CSRNP3: variants seen among roughly 807,000 people sequenced by gnomAD.
The protein encoded by CSRNP3 is cysteine/serine-rich nuclear protein 3.
CSRNP3 carries 12 observed loss-of-function variants against 48.0 expected under a neutral mutation model. That is an observed-to-expected ratio of 0.25 (90% CI 0.16 to 0.41). The LOEUF is 0.41. CSRNP3 is among the 10% of genes least tolerant of loss of function. The pLI is 1.00. For synonymous variants in CSRNP3, 263 were observed against 269.7 expected (o/e 0.98, Z 0.24); for missense variants, 580 against 724.4 (o/e 0.80, Z 2.29).
At chr2:165,580,923 C>T (rs1253885277) in intron 3 of CSRNP3, among the ~76,000 whole-genome samples, 2 of 151,210 alleles carry the variant, frequency 1.3e-5, no homozygotes, top group African/African-American at 4.9e-5. Flanking sequence ...AGGCTAAGTA[C>T]TATTCTTTAG....
intron 3 of CSRNP3, among the ~76,000 whole-genome samples, chr2:165,520,501 T>C (rs1684636496): frequency 6.6e-6 from 1 of 151,822 alleles, no homozygotes. Flanking sequence ...ATTAAATATC[T>C]GGCCATGCAA....
At chr2:165,573,312 A>G (rs1253554232) in intron 3 of CSRNP3, among the ~76,000 whole-genome samples, 1 of 152,182 alleles carries the variant, frequency 6.6e-6, no homozygotes, top group African/African-American at 2.4e-5. Context: ...TTGATGATGC[A>G]TATTTTCATT....
chr2:165,511,922 G>GT (rs1203625678), intron 2 of CSRNP3, among the ~76,000 whole-genome samples: 4 of 152,190 alleles, frequency 2.6e-5, no homozygotes, highest in Middle Eastern at 3.4e-3. Context: ...AATCAGGTGG[G>GT]TTTTTTTGTC....
chr2:165,659,883 C>T (rs530850572), intron 5 of CSRNP3, among the ~76,000 whole-genome samples: 57 of 152,258 alleles, frequency 3.7e-4, no homozygotes, highest in East Asian at 2.1e-3. Context: ...AATGTATGTA[C>T]GTGCCATGTT....
At chr2:165,651,235 T>C (rs980200747) in intron 4 of CSRNP3, among the ~76,000 whole-genome samples, 3 of 152,156 alleles carry the variant, frequency 2.0e-5, no homozygotes, top group Non-Finnish European at 4.4e-5. Context: ...AAAGCACAAA[T>C]CAGAAAGCAA....
At chr2:165,605,184 C>T (rs1381843231) in intron 4 of CSRNP3, among the ~76,000 whole-genome samples, 1 of 152,092 alleles carries the variant, frequency 6.6e-6, no homozygotes, top group African/African-American at 2.4e-5. Context: ...ATTACTGTGG[C>T]TTCCAGAATC....
intron 1 of CSRNP3, among the ~76,000 whole-genome samples, chr2:165,493,712 C>G (rs1220025743): frequency 6.6e-6 from 1 of 152,084 alleles, no homozygotes; most frequent in Non-Finnish European, 1.5e-5. Flanking sequence ...TGGCTCTCCA[C>G]AGGTCACACT....
At chr2:165,530,122 T>G (rs867798060) in intron 3 of CSRNP3, among the ~76,000 whole-genome samples, 3 of 152,298 alleles carry the variant, frequency 2.0e-5, no homozygotes, top group South Asian at 4.1e-4. Context: ...AGGGAGTAGT[T>G]ATTTTTAAAG....
At chr2:165,480,015 A>G (rs1684018948) in intron 1 of CSRNP3, among the ~76,000 whole-genome samples, 1 of 152,018 alleles carries the variant, frequency 6.6e-6, no homozygotes, top group Non-Finnish European at 1.5e-5. Flanking sequence ...TTCCAAGCTC[A>G]TTCTTGTTTT....
intron 3 of CSRNP3, among the ~76,000 whole-genome samples, chr2:165,552,002 C>A (rs1685101627): frequency 6.6e-6 from 1 of 152,172 alleles, no homozygotes; most frequent in Admixed American, 6.5e-5. Context: ...AATGATAAAT[C>A]ATCAAGACAG....
intron 2 of CSRNP3, among the ~76,000 whole-genome samples, chr2:165,510,938 C>A (rs1333333217): frequency 6.6e-6 from 1 of 151,946 alleles, no homozygotes; most frequent in Non-Finnish European, 1.5e-5. Flanking sequence ...ACTGAATCTG[C>A]TAAAGGATGT....
In CSRNP3 at chr2:165,671,084, A is replaced by T. The variant is rs140234456; in HGVS notation, c.409-5228A>T. On this transcript the variant is annotated intron_variant, in intron 5 of 6. Transcript: ENST00000651982. ...TTGTCTTGAGTACCATAGAAAACTC[A>T]TAATCTATCTGTGAGATATAAAGAA... Among the ~76,000 whole-genome samples the T allele has an allele frequency of 8.5e-3, 1,290 of 152,310 alleles. 7 individuals are homozygous for T. The highest frequency in any genetic ancestry group is 0.021 in the South Asian group (99 of 4,820).
chr2:165,527,199 C>CTTTTTTT (rs535826285), intron 3 of CSRNP3, among the ~76,000 whole-genome samples: 3 of 87,298 alleles, frequency 3.4e-5, no homozygotes, highest in African/African-American at 4.6e-5. Flanking sequence ...GCTGTTTGTA[C>CTTTTTTT]TTTTTTTTTT....
At chr2:165,491,717 G>A (rs1213245901) in intron 1 of CSRNP3, among the ~76,000 whole-genome samples, 36 of 118,784 alleles carry the variant, frequency 3.0e-4, no homozygotes, top group Admixed American at 2.9e-3. Context: ...ACCAAACACC[G>A]CATATTCTCA....
At chr2:165,544,915 A>T (rs1285602909) in intron 3 of CSRNP3, among the ~76,000 whole-genome samples, 2 of 152,196 alleles carry the variant, frequency 1.3e-5, no homozygotes, top group African/African-American at 4.8e-5. Flanking sequence ...AACCCTCTAC[A>T]ATTTAACGAA....
chr2:165,648,059 C>T (rs1558961300), intron 4 of CSRNP3, among the ~76,000 whole-genome samples: 1 of 152,072 alleles, frequency 6.6e-6, no homozygotes, highest in South Asian at 2.1e-4. Context: ...TTTAGCAAAA[C>T]ATTAATATTG....
chr2:165,526,282 G>A (rs1169074863), intron 3 of CSRNP3, among the ~76,000 whole-genome samples: 4 of 151,844 alleles, frequency 2.6e-5, no homozygotes, highest in Non-Finnish European at 2.9e-5. Flanking sequence ...GATTTTGATC[G>A]GAAAATTTAC....
At chr2:165,494,504 C>G (rs1048629941) in intron 1 of CSRNP3, among the ~76,000 whole-genome samples, 1 of 152,062 alleles carries the variant, frequency 6.6e-6, no homozygotes, top group Non-Finnish European at 1.5e-5. Flanking sequence ...GCCATATCTC[C>G]TTATGCAGCA....
chr2:165,497,664 G>T (rs2105462746), intron 2 of CSRNP3, among the ~76,000 whole-genome samples: 1 of 152,220 alleles, frequency 6.6e-6, no homozygotes, highest in Non-Finnish European at 1.5e-5. Flanking sequence ...ATGAGAACTA[G>T]TAGGACCTTT....
Sources: gnomAD v4.1 joint callset for allele counts (sites outside exome capture counted in the v4.1 genomes callset) on GRCh38, gnomAD v4.1.1 for gene constraint, MANE v1.5 for transcripts, NCBI Gene and HGNC (gene_info 2026-07-23, HGNC 2026-07-21) for gene names.